Variants in ENOX1 observed in about 807,000 individuals in gnomAD.
The protein encoded by ENOX1 is ecto-NOX disulfide-thiol exchanger 1.
In ENOX1, 42 loss-of-function variants were observed where a neutral mutation model predicts 82.5. That is an observed-to-expected ratio of 0.51 (90% CI 0.40 to 0.66). The LOEUF (loss-of-function observed/expected upper bound fraction) is 0.66. Ranked by LOEUF, ENOX1 falls within the 30% of genes least tolerant of loss-of-function variation. The probability of loss-of-function intolerance (pLI) is 0.00; values close to 1 mark genes in which losing one functional copy is unlikely to be tolerated. For missense variants in ENOX1, 608 were observed against 811.6 expected (o/e 0.75, Z 3.05); for synonymous variants, 271 against 282.2 (o/e 0.96, Z 0.40).
intron 11 of ENOX1, among the ~76,000 whole-genome samples, chr13:43,304,091 A>T (rs2046732276): frequency 6.6e-6 from 1 of 152,206 alleles, no homozygotes; most frequent in Non-Finnish European, 1.5e-5. Context: ...GCCCTGTTGC[A>T]TCCCTGTGCC....
At chr13:43,577,125 AAT>A (rs1034527169) in intron 2 of ENOX1, among the ~76,000 whole-genome samples, 11 of 85,354 alleles carry the variant, frequency 1.3e-4, no homozygotes, top group African/African-American at 3.5e-4. Context: ...GAGTGATAAA[AAT>A]ATTTTTTTTT....
chr13:43,469,249 A>G (rs536559307), intron 3 of ENOX1, among the ~76,000 whole-genome samples: 22 of 152,242 alleles, frequency 1.4e-4, no homozygotes, highest in Admixed American at 1.0e-3. Flanking sequence ...TTCTATTAAT[A>G]TGGAGTTTAT....
At chr13:43,399,313 T>C (rs750601975) in intron 5 of ENOX1, among the ~76,000 whole-genome samples, 4 of 152,172 alleles carry the variant, frequency 2.6e-5, no homozygotes, top group African/African-American at 9.7e-5. Flanking sequence ...CCTGGCTTTG[T>C]CCAAGGGTCA....
intron 2 of ENOX1, among the ~76,000 whole-genome samples, chr13:43,585,736 C>T (rs990838213): frequency 2.3e-4 from 35 of 152,236 alleles, no homozygotes; most frequent in African/African-American, 7.9e-4. Flanking sequence ...TGCCACCACG[C>T]CCCATTAATT....
intron 2 of ENOX1, among the ~76,000 whole-genome samples, chr13:43,509,787 G>A (rs571045702): frequency 1.8e-4 from 27 of 151,990 alleles, no homozygotes; most frequent in African/African-American, 6.5e-4. Flanking sequence ...CAACAGCAAA[G>A]TCCCCTTCTT....
intron 2 of ENOX1, among the ~76,000 whole-genome samples, chr13:43,566,000 C>T (rs1033163029): frequency 2.0e-5 from 3 of 152,130 alleles, no homozygotes; most frequent in Non-Finnish European, 4.4e-5. Flanking sequence ...TCTTGATCCT[C>T]GTAATCACCA....
intron 1 of ENOX1, among the ~76,000 whole-genome samples, chr13:43,777,875 A>C (rs567408430): frequency 6.6e-6 from 1 of 152,318 alleles, no homozygotes; most frequent in Admixed American, 6.5e-5. Flanking sequence ...ATGTTTAATA[A>C]AAAATAGCAT....
intron 14 of ENOX1, among the ~76,000 whole-genome samples, chr13:43,260,388 C>A (rs983750404): frequency 3.3e-5 from 5 of 152,190 alleles, no homozygotes; most frequent in African/African-American, 4.8e-5. Flanking sequence ...ATTTCTTTAA[C>A]CCCAGTGTGG....
In ENOX1 at chr13:43,229,322, C is replaced by T. The variant is rs2042171448; in HGVS notation, c.1715-5184G>A. Among the ~76,000 whole-genome samples the T allele has an allele frequency of 2.6e-5, 4 of 152,202 alleles. No individual in the cohort carries two copies. The South Asian group carries it at 8.3e-4, about 32-fold the overall frequency. On this transcript the variant is annotated intron_variant, in intron 15 of 16. Coordinates refer to ENST00000690772, the MANE Select transcript of ENOX1 (RefSeq NM_001347969.2). Reference sequence around the variant, plus strand: ...TAATACAGCGATTACGTGAAGCCCTCTCCCTGAGAAAGCAGACCTTCTCAA... The same window carrying T: ...TAATACAGCGATTACGTGAAGCCCTTTCCCTGAGAAAGCAGACCTTCTCAA...
chr13:43,274,097 C>T (rs1435565286), intron 12 of ENOX1, among the ~76,000 whole-genome samples: 1 of 152,142 alleles, frequency 6.6e-6, no homozygotes, highest in Non-Finnish European at 1.5e-5. Flanking sequence ...TTGTTCTAAA[C>T]ATATGGATAC....
At chr13:43,765,882 G>A (rs1951233263) in intron 1 of ENOX1, among the ~76,000 whole-genome samples, 1 of 152,116 alleles carries the variant, frequency 6.6e-6, no homozygotes, top group Non-Finnish European at 1.5e-5. Flanking sequence ...TACAAATAGA[G>A]TATGATGTCT....
At chr13:43,270,515 C>T (rs978994729) in intron 12 of ENOX1, among the ~76,000 whole-genome samples, 5 of 152,190 alleles carry the variant, frequency 3.3e-5, no homozygotes, top group Non-Finnish European at 7.3e-5. Flanking sequence ...AGGGCCTTGA[C>T]AAGCTGGCTG....
rs1329902339 is a variant in ENOX1 at position 43,338,817 on chromosome 13, C to G, written c.1036+5721G>C. Among the ~76,000 whole-genome samples, 3 of 150,492 alleles carry G rather than the reference C, an allele frequency of 2.0e-5. No homozygotes were observed. The East Asian group carries it at 6.0e-4, about 30-fold the overall frequency. ...TCTCCTGCCTCAGCCTCCCGAGTAT[C>G]TGGGACTACAGGCGCCCGCCACTGC... On this transcript the variant is annotated intron_variant, in intron 9 of 16. Coordinates refer to ENST00000690772, the MANE Select transcript of ENOX1 (RefSeq NM_001347969.2).
At chr13:43,653,015 G>C (rs928672322) in intron 2 of ENOX1, among the ~76,000 whole-genome samples, 6 of 152,210 alleles carry the variant, frequency 3.9e-5, no homozygotes, top group African/African-American at 1.4e-4. Context: ...CTGTGTTTTA[G>C]TTGCCAAGGC....
intron 2 of ENOX1, among the ~76,000 whole-genome samples, chr13:43,616,130 C>A (rs1261586589): frequency 0.015 from 705 of 45,680 alleles, 120 homozygotes; most frequent in African/African-American, 0.057. Context: ...CTATAGATAT[C>A]TATCTATCTA....
intron 12 of ENOX1, among the ~76,000 whole-genome samples, chr13:43,279,296 A>G (rs770746545): frequency 6.6e-6 from 1 of 152,244 alleles, no homozygotes; most frequent in Non-Finnish European, 1.5e-5. Flanking sequence ...ATGAAGCTGC[A>G]TGTCGGCATT....
chr13:43,653,487 A>G (rs2084287991), intron 2 of ENOX1, among the ~76,000 whole-genome samples: 1 of 152,186 alleles, frequency 6.6e-6, no homozygotes, highest in South Asian at 2.1e-4. Flanking sequence ...ATTGCTAACA[A>G]CCAGGGAAAG....
At chr13:43,323,627 A>G (rs904401021) in intron 10 of ENOX1, among the ~76,000 whole-genome samples, 4 of 152,242 alleles carry the variant, frequency 2.6e-5, no homozygotes, top group African/African-American at 7.2e-5. Flanking sequence ...TACTATCTTC[A>G]GAAATACTTA....
intron 2 of ENOX1, among the ~76,000 whole-genome samples, chr13:43,568,413 G>A (rs1034698957): frequency 1.3e-5 from 2 of 151,990 alleles, no homozygotes; most frequent in Non-Finnish European, 2.9e-5. Context: ...AGGGTGCCCC[G>A]GGAAAAAAGA....
Sources: allele counts gnomAD v4.1 joint callset (sites outside exome capture counted in the v4.1 genomes callset), GRCh38; gene constraint gnomAD v4.1.1; transcripts MANE v1.5; gene names NCBI Gene and HGNC (gene_info 2026-07-23, HGNC 2026-07-21).